The following SDK2 variants were observed in gnomAD, a reference collection of about 807,000 sequenced individuals.
SDK2 encodes the protein protein sidekick-2.
In SDK2, 105 loss-of-function variants were observed where a neutral mutation model predicts 253.9. The ratio of observed to expected loss-of-function variants is 0.41; its 90% CI spans 0.35 to 0.49. SDK2 has a LOEUF of 0.49. Ranked by LOEUF, SDK2 falls within the 20% of genes least tolerant of loss-of-function variation. SDK2 has a pLI of 0.06. For missense variants in SDK2, 2,608 were observed against 3,003.0 expected, an observed-to-expected ratio of 0.87 and a Z score of 3.07; for synonymous variants, 1,249 against 1,234.9, an observed-to-expected ratio of 1.01 and a Z score of -0.24.
intron 40 of SDK2, among the ~76,000 whole-genome samples, chr17:73,353,632 CAG>C (rs2062558623): frequency 6.6e-6 from 1 of 151,456 alleles, no homozygotes; most frequent in Non-Finnish European, 1.5e-5. Flanking sequence ...CTCTCGACCT[CAG>C]GTGATCTGCC....
At chr17:73,381,819 C>T (rs770686101) in intron 33 of SDK2, among the ~76,000 whole-genome samples, 61 of 152,140 alleles carry the variant, frequency 4.0e-4, no homozygotes, top group African/African-American at 1.3e-3. Context: ...GCAGGAGAAT[C>T]GCTTGAACCT....
chr17:73,379,221 G>T lies in SDK2; in HGVS notation c.4936C>A (p.Pro1646Thr). 1 of 1,559,324 alleles carries T rather than the reference G, an allele frequency of 6.4e-7. No homozygotes were observed. The highest frequency in any genetic ancestry group is 8.7e-7 in the Non-Finnish European group (1 of 1,151,192). ...CCATTCTGGCTGTCCAGCGGAGGTGGCTCCCAAGTCACGTCCAGCTGTGTG... is the reference window on the plus strand; with the variant it reads ...CCATTCTGGCTGTCCAGCGGAGGTGTCTCCCAAGTCACGTCCAGCTGTGTG... The part of the protein sequence containing the change: ...TATQLDVTWE[P>T]PPLDSQNGDI... Residue 1646 changes from proline (P) to threonine (T), a missense_variant, in exon 36 of 45, where the codon CCA (proline) becomes ACA (threonine). This residue lies in a region of SDK2 where 1,103 missense variants were observed against 1,143.9 expected (regional missense o/e 0.96). Transcript: ENST00000392650. This position sits in a 1 kb window ranked among gnomAD's most constrained non-coding sequence, Gnocchi z 4.5.
chr17:73,546,978 C>T (rs1277779406), intron 1 of SDK2, among the ~76,000 whole-genome samples: 2 of 152,194 alleles, frequency 1.3e-5, no homozygotes, highest in Admixed American at 6.5e-5. Context: ...CCTGCCGTGA[C>T]ACTGGGAAAG....
intron 1 of SDK2, among the ~76,000 whole-genome samples, chr17:73,577,358 CAT>C (rs1442995127): frequency 3.3e-5 from 5 of 152,222 alleles, no homozygotes; most frequent in Non-Finnish European, 7.3e-5. Context: ...ACTCAACAAA[CAT>C]ATACTAAGCA....
chr17:73,340,548 T>C (rs1351650680), intron 44 of SDK2, among the ~76,000 whole-genome samples: 1 of 152,196 alleles, frequency 6.6e-6, no homozygotes, highest in East Asian at 1.9e-4. Context: ...TTGGTCCAGC[T>C]TCTGCTTTAC....
At chr17:73,364,072 G>A (rs2062663853) in intron 38 of SDK2, among the ~76,000 whole-genome samples, 1 of 151,980 alleles carries the variant, frequency 6.6e-6, no homozygotes, top group African/African-American at 2.4e-5. Flanking sequence ...GGGGGTGAGA[G>A]TGAGAGGGGT....
At chr17:73,585,801 T>C (rs1173180998) in intron 1 of SDK2, among the ~76,000 whole-genome samples, 1 of 152,150 alleles carries the variant, frequency 6.6e-6, no homozygotes, top group East Asian at 1.9e-4. Flanking sequence ...GATTTGAAAA[T>C]GAGCTTTTCC....
intron 2 of SDK2, among the ~76,000 whole-genome samples, chr17:73,497,602 C>T (rs1441849978): frequency 6.6e-6 from 1 of 152,000 alleles, no homozygotes; most frequent in Non-Finnish European, 1.5e-5. Context: ...GCATGGCCAG[C>T]AGAGCCTCAC....
At chr17:73,596,465 C>T (rs748715605) in intron 1 of SDK2, among the ~76,000 whole-genome samples, 5 of 152,182 alleles carry the variant, frequency 3.3e-5, no homozygotes, top group Non-Finnish European at 7.3e-5. Context: ...TGTACGAAAA[C>T]TCCTATCAGT....
At chr17:73,591,455 T>C (rs1379749557) in intron 1 of SDK2, among the ~76,000 whole-genome samples, 1 of 152,050 alleles carries the variant, frequency 6.6e-6, no homozygotes, top group African/African-American at 2.4e-5. Flanking sequence ...CACAGTGGGG[T>C]TGCCAGATTT....
intron 1 of SDK2, among the ~76,000 whole-genome samples, chr17:73,542,325 C>T (rs1479972135): frequency 2.0e-5 from 3 of 152,170 alleles, no homozygotes; most frequent in African/African-American, 7.2e-5. Flanking sequence ...GATGGCTGCT[C>T]CTGTGATGGA....
intron 18 of SDK2, among the ~76,000 whole-genome samples, chr17:73,408,046 C>CTTTTTT (rs373774628): frequency 0.036 from 1,853 of 50,882 alleles, 439 homozygotes; most frequent in Middle Eastern, 0.1. Context: ...TAAAATATTT[C>CTTTTTT]CTTTTTTTTT....
In SDK2 at chr17:73,629,202, T is replaced by C. The variant is rs1344384895; in HGVS notation, c.64+14823A>G. 2.0e-5 allele frequency among the ~76,000 whole-genome samples: 3 copies of C among 152,252 alleles called. No individual in the cohort carries two copies. The East Asian group carries it at 5.8e-4, about 29-fold the overall frequency. On this transcript the variant is annotated intron_variant, in intron 1 of 44. Coordinates refer to ENST00000392650, the MANE Select transcript of SDK2 (RefSeq NM_001144952.2). This position sits in a 1 kb window ranked among gnomAD's most constrained non-coding sequence, Gnocchi z 5.0. Reference sequence around the variant, plus strand: ...TGTAATCTGACCTTAGTAATTCTCTTTGTTCCCTACCATTTTAGCTCAGAT... The same window carrying C: ...TGTAATCTGACCTTAGTAATTCTCTCTGTTCCCTACCATTTTAGCTCAGAT...
chr17:73,453,357 C>T lies in SDK2; in HGVS notation c.479+2549G>A, dbSNP rs537533252. Among the ~76,000 whole-genome samples, 9 of 150,912 alleles carry T rather than the reference C, an allele frequency of 6.0e-5. No homozygotes were observed. The South Asian group carries it at 1.9e-3, about 32-fold the overall frequency. ...AAAAAGAAATGTGTATTGCTCTAAG[C>T]CACTGAGCTGGGGTTTTTTTTTTTT... On this transcript the variant is annotated intron_variant, in intron 4 of 44. Transcript: ENST00000392650.
At chr17:73,535,441 C>T (rs964101576) in intron 1 of SDK2, among the ~76,000 whole-genome samples, 9 of 152,154 alleles carry the variant, frequency 5.9e-5, no homozygotes, top group South Asian at 4.1e-4. Flanking sequence ...GGGTGAATGG[C>T]GGGGTGGGGC....
chr17:73,438,928 G>A (rs980368337), intron 6 of SDK2, among the ~76,000 whole-genome samples: 6 of 152,194 alleles, frequency 3.9e-5, no homozygotes, highest in Non-Finnish European at 5.9e-5. Flanking sequence ...TTGAGGTGAC[G>A]CTGGGCAGTT....
intron 1 of SDK2, among the ~76,000 whole-genome samples, chr17:73,584,487 C>G (rs572948913): frequency 6.6e-6 from 1 of 152,216 alleles, no homozygotes; most frequent in East Asian, 1.9e-4. Context: ...ACAGTCAGCT[C>G]CGAGGGCGGG....
chr17:73,496,824 C>T lies in SDK2; in HGVS notation c.224+10614G>A, dbSNP rs916174534. Among the ~76,000 whole-genome samples the T allele has an allele frequency of 4.6e-5, 7 of 152,162 alleles. No homozygotes were observed. Among genetic ancestry groups the T allele is most frequent in the African/African-American group, 1.7e-4 (7 of 41,422 alleles). Reference sequence around the variant, plus strand: ...TGCTCATCCCTCTCTAACTCCTCAACTTGCCCCATCCTCCCCCTCCTGAAG... The same window carrying T: ...TGCTCATCCCTCTCTAACTCCTCAATTTGCCCCATCCTCCCCCTCCTGAAG... On this transcript the variant is annotated intron_variant, in intron 2 of 44. Coordinates refer to ENST00000392650, the MANE Select transcript of SDK2 (RefSeq NM_001144952.2). The surrounding 1 kb of genome is among the most constrained non-coding windows in gnomAD (Gnocchi z 4.7).
intron 36 of SDK2, among the ~76,000 whole-genome samples, chr17:73,375,811 G>A (rs1413693058): frequency 6.6e-6 from 1 of 151,334 alleles, no homozygotes; most frequent in Non-Finnish European, 1.5e-5. Context: ...AGCCAAGATC[G>A]CACCACTGCA....
Sources: allele counts gnomAD v4.1 joint callset (sites outside exome capture counted in the v4.1 genomes callset), GRCh38; gene constraint gnomAD v4.1.1; regional missense constraint gnomAD v4.1.1; non-coding constraint Gnocchi (gnomAD v3.1); transcripts MANE v1.5; gene names NCBI Gene and HGNC (gene_info 2026-07-23, HGNC 2026-07-21).